Variants in WWC2 observed in about 807,000 individuals in gnomAD.
WWC2 encodes the protein protein WWC2.
Under a neutral mutation model 138.5 loss-of-function variants are expected in WWC2, and 101 were observed. That is an observed-to-expected ratio of 0.73 (90% CI 0.62 to 0.86). WWC2 has a LOEUF of 0.86. Among genes scored for constraint, WWC2 ranks in the 40% least tolerant of loss-of-function variants. WWC2 has a pLI of 0.00. For synonymous variants in WWC2, 558 were observed against 538.4 expected (o/e 1.04, Z -0.50); for missense variants, 1,420 against 1,419.4 (o/e 1.00, Z -0.01).
At chr4:183,247,522 A>ATAC (rs1736816117) in intron 6 of WWC2, among the ~76,000 whole-genome samples, 1 of 138,944 alleles carries the variant, frequency 7.2e-6, no homozygotes, top group African/African-American at 2.9e-5. Context: ...ACACTATACT[A>ATAC]TATATATACT....
At chr4:183,232,740 C>T (rs563848634) in intron 4 of WWC2, among the ~76,000 whole-genome samples, 13 of 152,088 alleles carry the variant, frequency 8.5e-5, no homozygotes, top group African/African-American at 1.9e-4. Flanking sequence ...CTCTGCCTCC[C>T]GGGTTCAAGT....
At chr4:183,193,732 G>A (rs768015450) in intron 2 of WWC2, 24 bp downstream of exon 2, 1 of 1,571,802 alleles carries the variant, frequency 6.4e-7, no homozygotes, top group Admixed American at 1.7e-5. Flanking sequence ...TTTGGTAAAA[G>A]CAAACATATC....
At chr4:183,207,848 C>T in intron 2 of WWC2, 105 bp from the exon 3 acceptor site, 1 of 1,069,902 alleles carries the variant, frequency 9.3e-7, no homozygotes, top group Non-Finnish European at 1.3e-6. Flanking sequence ...GCTAAATAAA[C>T]TCCTTAGAGG....
At chr4:183,273,633 G>A (rs1219829176) in intron 16 of WWC2, among the ~76,000 whole-genome samples, 1 of 152,116 alleles carries the variant, frequency 6.6e-6, no homozygotes, top group East Asian at 1.9e-4. Flanking sequence ...ACTTATAAGA[G>A]TTCCTTACCT....
At position 183,237,380 on chromosome 4, in the gene WWC2, C is replaced by G. The variant is rs566135130; in HGVS notation, c.523-2803C>G. On this transcript the variant is annotated intron_variant, in intron 4 of 22. Transcript: ENST00000403733. Reference sequence around the variant, plus strand: ...GAAAATGCTGTTCTAAATAGAAATACATGTAGAATGAGCTACTGATTGCTG... The same window carrying G: ...GAAAATGCTGTTCTAAATAGAAATAGATGTAGAATGAGCTACTGATTGCTG... 4.3e-4 allele frequency among the ~76,000 whole-genome samples: 65 copies of G among 151,438 alleles called. 1 individual carries two copies. The highest frequency in any genetic ancestry group is 1.5e-3 in the African/African-American group (63 of 41,250).
intron 22 of WWC2, among the ~76,000 whole-genome samples, chr4:183,313,317 C>T (rs1180164052): frequency 1.3e-5 from 2 of 152,122 alleles, no homozygotes; most frequent in Non-Finnish European, 2.9e-5. Flanking sequence ...GTGCACAAAA[C>T]CAAATGATGG....
At chr4:183,192,929 T>G (rs949642494) in intron 1 of WWC2, among the ~76,000 whole-genome samples, 1 of 152,172 alleles carries the variant, frequency 6.6e-6, no homozygotes, top group Non-Finnish European at 1.5e-5. Flanking sequence ...TTCATTAGTT[T>G]TAAAGAGAAA....
chr4:183,225,466 T>C (rs190231634), intron 4 of WWC2, among the ~76,000 whole-genome samples: 16 of 152,360 alleles, frequency 1.1e-4, no homozygotes, highest in Admixed American at 9.1e-4. Flanking sequence ...AGTCCCTACC[T>C]TACTTTTTGT....
chr4:183,304,374 G>A (rs914694079), intron 21 of WWC2, among the ~76,000 whole-genome samples: 8 of 152,028 alleles, frequency 5.3e-5, no homozygotes, highest in Non-Finnish European at 8.8e-5. Flanking sequence ...ATGAGAAGTC[G>A]GGGGCTCTCC....
chr4:183,316,141 G>C lies in WWC2; in HGVS notation c.*412G>C, dbSNP rs946995306. On this transcript the variant is annotated 3_prime_UTR_variant, in exon 23 of 23. Transcript: ENST00000403733. ...TGAGTAGGCTGTGCCGATGGCAGCA[G>C]CGCCACGTGGTATCTGTGCGCTGGC... 9 of 177,124 alleles carry C rather than the reference G, an allele frequency of 5.1e-5. No individual in the cohort carries two copies. The highest frequency in any genetic ancestry group is 2.1e-4 in the African/African-American group (9 of 41,968). 11.0% of individuals were successfully genotyped at this position (177,124 alleles called of 1,614,324 possible).
At chr4:183,194,453 T>A (rs1735076659) in intron 2 of WWC2, among the ~76,000 whole-genome samples, 1 of 152,234 alleles carries the variant, frequency 6.6e-6, no homozygotes, top group Non-Finnish European at 1.5e-5. Flanking sequence ...ACTTTGCTTA[T>A]TCACTTAAAA....
intron 16 of WWC2, among the ~76,000 whole-genome samples, chr4:183,273,491 A>G (rs905123834): frequency 6.6e-6 from 1 of 151,914 alleles, no homozygotes; most frequent in South Asian, 2.1e-4. Context: ...TTTAGTAGAG[A>G]CGGGGTTTCT....
In WWC2 at chr4:183,268,372, C is replaced by T. The variant is rs114448081; in HGVS notation, c.2208-599C>T. On this transcript the variant is annotated intron_variant, in intron 14 of 22. Coordinates refer to ENST00000403733, the MANE Select transcript of WWC2 (RefSeq NM_024949.6). The stretch of plus-strand genomic sequence containing the variant: ...CTCTTCCTCTGAATTTTACAAAGCA[C>T]GGGACTCTTAAAACAGTTTGTCGTA... Among the ~76,000 whole-genome samples, 465 of 152,260 alleles carry T rather than the reference C, an allele frequency of 3.1e-3. 2 individuals are homozygous for T. The highest frequency in any genetic ancestry group is 4.8e-3 in the Non-Finnish European group (326 of 68,026).
intron 1 of WWC2, among the ~76,000 whole-genome samples, chr4:183,152,847 C>T (rs1273761814): frequency 6.6e-6 from 1 of 151,830 alleles, no homozygotes; most frequent in African/African-American, 2.4e-5. Context: ...TGTGCCACTG[C>T]ACTCCAGCCT....
Position 183,319,586 on chromosome 4 carries a change from C to T in WWC2, c.*3857C>T, listed in dbSNP as rs1187876374. 1.2e-6 allele frequency: 2 copies of T among 1,613,166 alleles called. No individual in the cohort carries two copies. The highest frequency in any genetic ancestry group is 2.7e-5 in the African/African-American group (2 of 74,876). On this transcript the variant is annotated 3_prime_UTR_variant, in exon 23 of 23. Transcript: ENST00000403733. ...GTTTCAGGTTGGTGTTTCTCGTCTC[C>T]AGTTCTTGATGATGATCTTGTGTTT...
At chr4:183,314,462 GA>G (rs1579081626) in intron 22 of WWC2, among the ~76,000 whole-genome samples, 4 of 152,348 alleles carry the variant, frequency 2.6e-5, no homozygotes, top group Admixed American at 2.0e-4. Flanking sequence ...GGGTGAGACA[GA>G]ACATGCTGGA....
intron 16 of WWC2, among the ~76,000 whole-genome samples, chr4:183,275,572 T>C (rs918302927): frequency 2.6e-5 from 4 of 152,130 alleles, no homozygotes; most frequent in Non-Finnish European, 4.4e-5. Flanking sequence ...GGTCATGTGG[T>C]TTTTGTTCTT....
Position 183,155,189 on chromosome 4 carries a change from GGAGA to G in WWC2, c.132-38378_132-38375del, listed in dbSNP as rs770609371. ...AAGTTCTAATGACTTCATCTTCTGAGGAGAGAGAGAGAGAGAGAGAGAGAGAGAG... is the reference window on the plus strand; with the variant it reads ...AAGTTCTAATGACTTCATCTTCTGAGGAGAGAGAGAGAGAGAGAGAGAGAG... On this transcript the variant is annotated intron_variant, in intron 1 of 22. Coordinates refer to ENST00000403733, the MANE Select transcript of WWC2 (RefSeq NM_024949.6). 4.2e-3 allele frequency among the ~76,000 whole-genome samples: 431 copies of G among 103,730 alleles called. 3 individuals carry two copies. Among genetic ancestry groups the G allele is most frequent in the East Asian group, 0.023 (69 of 3,032 alleles). 68.1% of individuals were successfully genotyped at this position (103,730 alleles called of 152,430 possible). A position where few individuals can be genotyped will look rare whatever the true frequency, so the allele number is the denominator to read the frequency against.
At chr4:183,149,058 C>T (rs145444729) in intron 1 of WWC2, among the ~76,000 whole-genome samples, 1 of 152,096 alleles carries the variant, frequency 6.6e-6, no homozygotes, top group Admixed American at 6.6e-5. Context: ...TCTCACTCAT[C>T]TAAGTCTTTT....
Sources: allele counts gnomAD v4.1 joint callset (sites outside exome capture counted in the v4.1 genomes callset), GRCh38; gene constraint gnomAD v4.1.1; transcripts MANE v1.5; gene names NCBI Gene and HGNC (gene_info 2026-07-23, HGNC 2026-07-21).